MTHFD2L: variants seen among roughly 807,000 people sequenced by gnomAD.
The protein encoded by MTHFD2L is bifunctional methylenetetrahydrofolate dehydrogenase/cyclohydrolase 2, mitochondrial.
In MTHFD2L, 29 loss-of-function variants were observed where a neutral mutation model predicts 34.9. That is an observed-to-expected ratio of 0.83 (90% CI 0.62 to 1.13). The LOEUF (loss-of-function observed/expected upper bound fraction) is 1.13, where lower values mean the gene tolerates loss of function less well. Ranked by LOEUF, MTHFD2L falls within the 50% of genes most tolerant of loss-of-function variation. The probability of loss-of-function intolerance (pLI) is 0.00; values close to 1 mark genes in which losing one functional copy is unlikely to be tolerated. For missense variants in MTHFD2L, 481 were observed against 446.5 expected (o/e 1.08, Z -0.70); for synonymous variants, 167 against 155.7 (o/e 1.07, Z -0.54).
chr4:74,196,011 T>G (rs1296540406), intron 3 of MTHFD2L, among the ~76,000 whole-genome samples: 1 of 152,168 alleles, frequency 6.6e-6, no homozygotes, highest in African/African-American at 2.4e-5. Context: ...CTTAGTGATT[T>G]TGGGGGCCCA....
At chr4:74,259,289 C>T (rs1277428221) in intron 6 of MTHFD2L, among the ~76,000 whole-genome samples, 1 of 152,202 alleles carries the variant, frequency 6.6e-6, no homozygotes, top group Non-Finnish European at 1.5e-5. Flanking sequence ...AGCACCCACT[C>T]ATAGGGTAGA....
intron 6 of MTHFD2L, among the ~76,000 whole-genome samples, chr4:74,270,584 G>T (rs1376088769): frequency 2.0e-5 from 3 of 152,084 alleles, no homozygotes; most frequent in Non-Finnish European, 4.4e-5. Flanking sequence ...TGGACATTTG[G>T]GTTGGTTCCA....
At position 74,232,869 on chromosome 4, in the gene MTHFD2L, G is replaced by GAT. The variant is rs148003309; in HGVS notation, c.805+7479_805+7480dup. Among the ~76,000 whole-genome samples the GAT allele has an allele frequency of 6.2e-3, 937 of 152,146 alleles. 25 individuals are homozygous for GAT. Among genetic ancestry groups the GAT allele is most frequent in the East Asian group, 0.048 (248 of 5,172 alleles). ...TGACTCTATAGTATTGAGTGCTATG[G>GAT]ATATACTAAATTTTATTTATTCAGT... On this transcript the variant is annotated intron_variant, in intron 6 of 7. Coordinates refer to ENST00000325278, the MANE Select transcript of MTHFD2L (RefSeq NM_001144978.3).
At chr4:74,289,065 A>G (rs550218685) in intron 7 of MTHFD2L, among the ~76,000 whole-genome samples, 13 of 152,330 alleles carry the variant, frequency 8.5e-5, no homozygotes, top group African/African-American at 2.9e-4. Flanking sequence ...AGGCATTTTT[A>G]TAGTCACTTG....
At chr4:74,271,928 A>G (rs927601408) in intron 6 of MTHFD2L, among the ~76,000 whole-genome samples, 3 of 152,112 alleles carry the variant, frequency 2.0e-5, no homozygotes, top group African/African-American at 7.2e-5. Flanking sequence ...TTCTCTTTGA[A>G]GTATAGCTAG....
At chr4:74,298,237 C>T (rs1342121158) in intron 7 of MTHFD2L, among the ~76,000 whole-genome samples, 1 of 151,944 alleles carries the variant, frequency 6.6e-6, no homozygotes, top group Non-Finnish European at 1.5e-5. Flanking sequence ...TCTTCTGCCT[C>T]GTGAATAATT....
intron 5 of MTHFD2L, among the ~76,000 whole-genome samples, chr4:74,209,705 T>C (rs980921674): frequency 6.6e-6 from 1 of 152,228 alleles, no homozygotes; most frequent in African/African-American, 2.4e-5. Flanking sequence ...TTTGGGTATA[T>C]ACCCAGTAAT....
chr4:74,236,847 G>T (rs1347831137), intron 6 of MTHFD2L, among the ~76,000 whole-genome samples: 3 of 152,158 alleles, frequency 2.0e-5, no homozygotes, highest in Non-Finnish European at 4.4e-5. Flanking sequence ...TTACACTGAG[G>T]AGGAGGTATA....
intron 6 of MTHFD2L, among the ~76,000 whole-genome samples, chr4:74,264,709 A>AT (rs1745081962): frequency 6.6e-6 from 1 of 152,034 alleles, no homozygotes. Flanking sequence ...TTAAAAAAAA[A>AT]GACTTGAGGT....
intron 1 of MTHFD2L, among the ~76,000 whole-genome samples, chr4:74,136,342 C>T (rs1722929138): frequency 6.6e-6 from 1 of 151,766 alleles, no homozygotes; most frequent in Non-Finnish European, 1.5e-5. Flanking sequence ...ACTGATCTAG[C>T]CAAAAATGAA....
chr4:74,300,262 G>A (rs1750133766), intron 7 of MTHFD2L, among the ~76,000 whole-genome samples: 1 of 151,856 alleles, frequency 6.6e-6, no homozygotes, highest in African/African-American at 2.4e-5. Context: ...TATATATTTT[G>A]TGATGTATTT....
In MTHFD2L at chr4:74,138,811, C is replaced by T. The variant is rs193174107; in HGVS notation, c.-297+13294C>T. Among the ~76,000 whole-genome samples, 109 of 152,290 alleles carry T rather than the reference C, an allele frequency of 7.2e-4. 1 individual carries two copies. The highest frequency in any genetic ancestry group is 3.4e-3 in the Middle Eastern group (1 of 294). On this transcript the variant is annotated intron_variant, in intron 1 of 7. Transcript: ENST00000433372. ...CCATACAATGGGAGGGGACCCAAAG[C>T]GGGTTGCCGCTCCCTGCTCAAATGC... is the stretch of plus-strand genomic sequence containing the variant.
chr4:74,140,554 T>A, intron 1 of MTHFD2L: 1 of 980,002 alleles, frequency 1.0e-6, no homozygotes, highest in Non-Finnish European at 1.2e-6. Flanking sequence ...CATTATTCAT[T>A]TAGGCTATAC....
intron 3 of MTHFD2L, chr4:74,190,484 G>C: frequency 1.0e-6 from 1 of 985,366 alleles, no homozygotes; most frequent in Non-Finnish European, 1.2e-6. Context: ...CAGAAGGGTG[G>C]AGAACCAGAC....
chr4:74,136,102 C>A (rs926600892), intron 1 of MTHFD2L, among the ~76,000 whole-genome samples: 1 of 151,894 alleles, frequency 6.6e-6, no homozygotes, highest in Non-Finnish European at 1.5e-5. Context: ...TATTATTTTG[C>A]TGTTATTCAA....
chr4:74,147,045 T>A (rs920960571), intron 1 of MTHFD2L, among the ~76,000 whole-genome samples: 3 of 152,166 alleles, frequency 2.0e-5, no homozygotes, highest in Admixed American at 6.5e-5. Context: ...TTCTGTGCTA[T>A]CTTGGAGAAT....
chr4:74,263,441 ATTCT>A (rs1460418455), intron 6 of MTHFD2L, among the ~76,000 whole-genome samples: 3 of 151,946 alleles, frequency 2.0e-5, no homozygotes, highest in South Asian at 2.1e-4. Context: ...AATGATATTG[ATTCT>A]TTCTATCCAT....
At chr4:74,184,260 A>G (rs1052416624) in intron 3 of MTHFD2L, among the ~76,000 whole-genome samples, 2 of 152,226 alleles carry the variant, frequency 1.3e-5, no homozygotes, top group Non-Finnish European at 2.9e-5. Flanking sequence ...ATCAAGTCCC[A>G]ACTGTATGTT....
chr4:74,235,118 T>C (rs1402028461), intron 6 of MTHFD2L, among the ~76,000 whole-genome samples: 2 of 152,118 alleles, frequency 1.3e-5, no homozygotes, highest in Non-Finnish European at 2.9e-5. Flanking sequence ...AAACCAGATA[T>C]CATAATAAAT....
Sources: gnomAD v4.1 joint callset for allele counts (sites outside exome capture counted in the v4.1 genomes callset) on GRCh38, gnomAD v4.1.1 for gene constraint, MANE v1.5 for transcripts, NCBI Gene and HGNC (gene_info 2026-07-23, HGNC 2026-07-21) for gene names.